The following GLP2R variants were observed in gnomAD, a reference collection of about 807,000 sequenced individuals.
GLP2R encodes the protein glucagon like peptide 2 receptor, also known as glucagon-like peptide 2 receptor.
A neutral mutation model predicts 68.2 loss-of-function variants in GLP2R; 59 were observed. That is an observed-to-expected ratio of 0.87 (90% confidence interval 0.70 to 1.07). The LOEUF is 1.07. Among genes scored for constraint, GLP2R ranks in the 50% least tolerant of loss-of-function variants. The pLI, the probability that GLP2R is intolerant of heterozygous loss-of-function variation, is 0.00. For missense variants in GLP2R, 548 were observed against 677.4 expected, an observed-to-expected ratio of 0.81 and a Z score of 2.12; for synonymous variants, 270 against 265.4, an observed-to-expected ratio of 1.02 and a Z score of -0.17.
intron 4 of GLP2R, among the ~76,000 whole-genome samples, chr17:9,846,461 T>C (rs1193628843): frequency 1.3e-5 from 2 of 151,974 alleles, no homozygotes; most frequent in East Asian, 3.9e-4. Flanking sequence ...AAAAAATCAA[T>C]ACAAAAATTA....
At chr17:9,833,478 C>G (rs929706353) in intron 1 of GLP2R, among the ~76,000 whole-genome samples, 3 of 152,104 alleles carry the variant, frequency 2.0e-5, no homozygotes, top group East Asian at 3.9e-4. Context: ...TTGGGATCTA[C>G]GTAGTCTTAG....
chr17:9,835,296 G>A (rs1232761542), intron 2 of GLP2R, among the ~76,000 whole-genome samples: 1 of 152,100 alleles, frequency 6.6e-6, no homozygotes, highest in Admixed American at 6.5e-5. Flanking sequence ...TAGCCTAATA[G>A]GGAGCAGATG....
intron 1 of GLP2R, among the ~76,000 whole-genome samples, chr17:9,828,382 C>T (rs968492619): frequency 3.9e-5 from 6 of 152,202 alleles, no homozygotes; most frequent in South Asian, 2.1e-4. Context: ...GAACATTCAT[C>T]CTTGCTTCCA....
chr17:9,835,408 G>A (rs947281320), intron 2 of GLP2R, among the ~76,000 whole-genome samples: 3 of 152,110 alleles, frequency 2.0e-5, no homozygotes, highest in Non-Finnish European at 4.4e-5. Context: ...GGCCCATAAG[G>A]TGGAGTTTTA....
At chr17:9,834,361 CAT>C (rs1389056414) in intron 2 of GLP2R, among the ~76,000 whole-genome samples, 1 of 152,068 alleles carries the variant, frequency 6.6e-6, no homozygotes, top group Admixed American at 6.5e-5. Context: ...ATCACCTGAT[CAT>C]ATGACATGAT....
chr17:9,874,760 A>C (rs1024613435), intron 10 of GLP2R, among the ~76,000 whole-genome samples: 4 of 152,206 alleles, frequency 2.6e-5, no homozygotes, highest in African/African-American at 9.6e-5. Context: ...CATGCCTCCC[A>C]AAATTTCCTA....
intron 4 of GLP2R, among the ~76,000 whole-genome samples, chr17:9,849,465 T>C (rs2066871483): frequency 6.6e-6 from 1 of 152,148 alleles, no homozygotes; most frequent in South Asian, 2.1e-4. Context: ...CCAATTGTTT[T>C]CCCAAACTTT....
chr17:9,852,839 C>T, intron 4 of GLP2R: 1 of 337,414 alleles, frequency 3.0e-6, no homozygotes, highest in Admixed American at 4.1e-5. Flanking sequence ...TCTTCTCCAT[C>T]AGCAGGAAGT....
In GLP2R at chr17:9,834,107, A is replaced by G. The variant is rs573475732; in HGVS notation, c.277+213A>G. Among the ~76,000 whole-genome samples the G allele has an allele frequency of 8.5e-5, 13 of 152,266 alleles. 1 individual carries two copies. The South Asian group carries it at 2.7e-3, about 32-fold the overall frequency. On this transcript the variant is annotated intron_variant, in intron 2 of 12. Coordinates refer to ENST00000262441, the MANE Select transcript of GLP2R (RefSeq NM_004246.3). ...CTCTACACTTGGCCGGGGCTTCCAT[A>G]CAGCATGATGGTGGGGTCTCTAAGG... is the stretch of plus-strand genomic sequence containing the variant.
intron 5 of GLP2R, among the ~76,000 whole-genome samples, chr17:9,854,874 T>A (rs1272922874): frequency 7.9e-5 from 12 of 152,208 alleles, no homozygotes; most frequent in Non-Finnish European, 1.8e-4. Flanking sequence ...ATTATAATGC[T>A]ATACTATAAT....
chr17:9,838,940 G>C (rs905281572), intron 3 of GLP2R, among the ~76,000 whole-genome samples: 2 of 152,354 alleles, frequency 1.3e-5, no homozygotes, highest in African/African-American at 4.8e-5. Flanking sequence ...GTGAACCCGG[G>C]AGGCGGAGCC....
At chr17:9,869,940 T>A (rs181596573) in intron 9 of GLP2R, among the ~76,000 whole-genome samples, 148 of 152,348 alleles carry the variant, frequency 9.7e-4, no homozygotes, top group African/African-American at 3.4e-3. Context: ...GGCATATTTT[T>A]AAATTTCTTT....
intron 1 of GLP2R, among the ~76,000 whole-genome samples, chr17:9,832,476 C>T (rs903817127): frequency 2.6e-5 from 4 of 152,136 alleles, no homozygotes; most frequent in Non-Finnish European, 1.5e-5. Context: ...GCAGGAGAAT[C>T]GCTTGAACCC....
At chr17:9,884,393 A>G (rs1597406181) in intron 11 of GLP2R, among the ~76,000 whole-genome samples, 1 of 152,328 alleles carries the variant, frequency 6.6e-6, no homozygotes, top group South Asian at 2.1e-4. Context: ...GGACTTTCAC[A>G]TGCTAACATG....
chr17:9,876,187 T>C (rs2067141194), intron 10 of GLP2R, among the ~76,000 whole-genome samples: 1 of 152,186 alleles, frequency 6.6e-6, no homozygotes, highest in Admixed American at 6.5e-5. Context: ...CGACAAGCAT[T>C]TCTTAACATG....
chr17:9,859,759 C>A (rs1341528761), intron 6 of GLP2R, among the ~76,000 whole-genome samples, 183 bp from the exon 7 acceptor site: 3 of 131,908 alleles, frequency 2.3e-5, no homozygotes, highest in Admixed American at 1.8e-4. Flanking sequence ...CTGGAGGTTG[C>A]AGTGTGAGCT....
chr17:9,836,609 A>G (rs904635564), intron 3 of GLP2R, 134 bp downstream of exon 3: 61 of 587,788 alleles, frequency 1.0e-4, no homozygotes, highest in Middle Eastern at 2.6e-4. Flanking sequence ...TGGATGTTCC[A>G]TTTATTTTTA....
chr17:9,875,384 G>A (rs929453275), intron 10 of GLP2R, among the ~76,000 whole-genome samples: 1 of 152,218 alleles, frequency 6.6e-6, no homozygotes, highest in African/African-American at 2.4e-5. Flanking sequence ...GGAGGTGACA[G>A]GGCCCAGCAT....
At chr17:9,857,365 C>A (rs558957337) in intron 5 of GLP2R, 58 bp from the exon 6 acceptor site, 82 of 1,518,782 alleles carry the variant, frequency 5.4e-5, no homozygotes, top group Non-Finnish European at 1.0e-5. Flanking sequence ...AAGGCAGAGG[C>A]CTGTTGGTTG....
Sources: allele counts gnomAD v4.1 joint callset (sites outside exome capture counted in the v4.1 genomes callset), GRCh38; gene constraint gnomAD v4.1.1; transcripts MANE v1.5; gene names NCBI Gene and HGNC (gene_info 2026-07-23, HGNC 2026-07-21).